The following S100Z variants were observed in gnomAD, a reference collection of about 807,000 sequenced individuals.
S100Z encodes protein S100-Z.
Under a neutral mutation model 8.5 loss-of-function variants are expected in S100Z, and 11 were observed. That is an observed-to-expected ratio of 1.30 (90% CI 0.82 to 2.15). S100Z has a LOEUF of 2.15. S100Z is among the 30% of genes most tolerant of loss of function. The probability of loss-of-function intolerance (pLI) is 0.00; values close to 1 mark genes in which losing one functional copy is unlikely to be tolerated. For missense variants in S100Z, 126 were observed against 117.9 expected (o/e 1.07, Z -0.32); for synonymous variants, 34 against 43.8 (o/e 0.78, Z 0.89).
At chr5:76,944,024 C>G in the S100Z span, among the ~76,000 whole-genome samples, 4 of 151,526 alleles carry the variant, frequency 2.6e-5, no homozygotes, top group African/African-American at 9.7e-5. Context: ...TTTTGGCATC[C>G]CCTTAACTTT....
the S100Z span, among the ~76,000 whole-genome samples, chr5:76,947,263 C>T: frequency 2.9e-4 from 44 of 151,898 alleles, no homozygotes; most frequent in Middle Eastern, 3.4e-3. Context: ...TTTTGGCTTA[C>T]GCTCAAGTTT....
the S100Z span, among the ~76,000 whole-genome samples, chr5:76,928,300 T>C: frequency 0.99 from 151,057 of 152,356 alleles, 74,906 homozygotes; most frequent in Middle Eastern, 1. Flanking sequence ...CAAAAAGATG[T>C]CTGAAATTTT....
the S100Z span, among the ~76,000 whole-genome samples, chr5:76,942,210 C>T: frequency 6.6e-5 from 10 of 151,936 alleles, no homozygotes; most frequent in South Asian, 2.1e-3. Flanking sequence ...TTCCTGGGTT[C>T]AAGCAATTCT....
At chr5:76,875,587 G>A in intron 3 of S100Z, 87 bp downstream of exon 3, 1 of 1,238,330 alleles carries the variant, frequency 8.1e-7, no homozygotes. Context: ...ATACTGTCCT[G>A]TGATTCTGTC....
At chr5:76,865,589 AAAATT>A (rs1349566663) in intron 1 of S100Z, among the ~76,000 whole-genome samples, 1 of 151,976 alleles carries the variant, frequency 6.6e-6, no homozygotes, top group East Asian at 1.9e-4. Context: ...AGTTAAAAAA[AAAATT>A]AAAAATAGAA....
chr5:76,850,349 A>AGG (rs1313673682), intron 1 of S100Z, among the ~76,000 whole-genome samples, 194 bp downstream of exon 1: 26 of 147,424 alleles, frequency 1.8e-4, no homozygotes, highest in Admixed American at 8.4e-4. Context: ...AGAGAGAGAG[A>AGG]GAGAGAGAGG....
chr5:76,911,532 C>T (rs886950669), intron 4 of S100Z, among the ~76,000 whole-genome samples: 1 of 152,178 alleles, frequency 6.6e-6, no homozygotes, highest in African/African-American at 2.4e-5. Flanking sequence ...ACCGTCTTGC[C>T]CCAAGGGTTT....
chr5:76,873,124 G>A lies in S100Z; in HGVS notation c.-56-2180G>A, dbSNP rs1183664235. On this transcript the variant is annotated intron_variant, in intron 2 of 4. Coordinates refer to ENST00000317593, the MANE Select transcript of S100Z (RefSeq NM_130772.4). ...CCAGCACAGGATCACACAACTAGTG[G>A]CAGAGGTGAGAGGTAAAGCCAGGCA... Among the ~76,000 whole-genome samples, 5 of 152,142 alleles carry A rather than the reference G, an allele frequency of 3.3e-5. No individual in the cohort carries two copies. In the East Asian group the frequency reaches 9.6e-4, roughly 29 times the overall value.
chr5:76,896,287 T>C (rs1412198036), intron 4 of S100Z, among the ~76,000 whole-genome samples: 1 of 152,244 alleles, frequency 6.6e-6, no homozygotes, highest in Non-Finnish European at 1.5e-5. Flanking sequence ...GGACATGCGA[T>C]GTTTGTCTTT....
the S100Z span, among the ~76,000 whole-genome samples, chr5:76,931,211 AC>A: frequency 0.029 from 4,460 of 151,390 alleles, 223 homozygotes; most frequent in African/African-American, 0.1. Context: ...GGCTCAGGTG[AC>A]CCTTCCGCCT....
chr5:76,885,948 A>T (rs1339038161), intron 4 of S100Z, among the ~76,000 whole-genome samples: 1 of 122,664 alleles, frequency 8.2e-6, no homozygotes, highest in Non-Finnish European at 1.7e-5. Context: ...AGTGGAGAGA[A>T]AAGAGAGAGT....
the S100Z span, among the ~76,000 whole-genome samples, chr5:76,945,866 T>C: frequency 1.3e-5 from 2 of 152,184 alleles, no homozygotes; most frequent in Non-Finnish European, 2.9e-5. Context: ...CTATACTTTG[T>C]CTCTGTGTCT....
At chr5:76,914,572 T>G (rs1447053257) in intron 4 of S100Z, among the ~76,000 whole-genome samples, 2 of 152,126 alleles carry the variant, frequency 1.3e-5, no homozygotes, top group Non-Finnish European at 2.9e-5. Context: ...TGCTGCTCAC[T>G]CTTTGGGTCC....
chr5:76,885,093 C>T lies in S100Z; in HGVS notation c.*2+7259C>T, dbSNP rs111706365. 2.8e-4 allele frequency among the ~76,000 whole-genome samples: 43 copies of T among 152,266 alleles called. No individual in the cohort carries two copies. The South Asian group carries it at 5.4e-3, about 19-fold the overall frequency. ...TTTTCTGGCCATTTAGAACCATTGT[C>T]GAGCTTGTATTGGGGTCAAGCAGTA... On this transcript the variant is annotated intron_variant, in intron 4 of 4. Coordinates refer to ENST00000317593, the MANE Select transcript of S100Z (RefSeq NM_130772.4).
chr5:76,942,570 GT>G, the S100Z span, among the ~76,000 whole-genome samples: 1 of 152,184 alleles, frequency 6.6e-6, no homozygotes, highest in Non-Finnish European at 1.5e-5. Context: ...AAGGAGCAGG[GT>G]TTATTGATCT....
chr5:76,903,811 T>A (rs1273977681), intron 4 of S100Z, among the ~76,000 whole-genome samples: 3 of 151,842 alleles, frequency 2.0e-5, no homozygotes, highest in Non-Finnish European at 4.4e-5. Context: ...CTGCAACCTC[T>A]GCCTACCAGG....
At chr5:76,915,082 G>T (rs1367958962) in intron 4 of S100Z, among the ~76,000 whole-genome samples, 1 of 152,108 alleles carries the variant, frequency 6.6e-6, no homozygotes, top group Non-Finnish European at 1.5e-5. Flanking sequence ...GAGGCAGGTG[G>T]ATCACGAGGT....
chr5:76,940,838 G>A, the S100Z span, among the ~76,000 whole-genome samples: 1 of 152,176 alleles, frequency 6.6e-6, no homozygotes, highest in African/African-American at 2.4e-5. Context: ...TACATTTGCT[G>A]GTCGTGTCTC....
intron 1 of S100Z, among the ~76,000 whole-genome samples, 198 bp downstream of exon 1, chr5:76,850,353 A>AGGGG (rs34568332): frequency 7.6e-6 from 1 of 132,064 alleles, no homozygotes; most frequent in African/African-American, 3.0e-5. Context: ...AGAGAGAGAG[A>AGGGG]GAGAGGGAGA....
Sources: gnomAD v4.1 joint callset for allele counts (sites outside exome capture counted in the v4.1 genomes callset) on GRCh38, gnomAD v4.1.1 for gene constraint, MANE v1.5 for transcripts, NCBI Gene and HGNC (gene_info 2026-07-23, HGNC 2026-07-21) for gene names.